Variants in TACC2 observed in about 807,000 individuals in gnomAD.
The protein encoded by TACC2 is transforming acidic coiled-coil containing protein 2.
Under a neutral mutation model 227.3 loss-of-function variants are expected in TACC2, and 137 were observed. The ratio of observed to expected loss-of-function variants is 0.60; its 90% confidence interval spans 0.52 to 0.69. The LOEUF (loss-of-function observed/expected upper bound fraction) is 0.69, where lower values mean the gene tolerates loss of function less well. Ranked by LOEUF, TACC2 falls within the 30% of genes least tolerant of loss-of-function variation. The probability of loss-of-function intolerance (pLI) is 0.00; values close to 1 mark genes in which losing one functional copy is unlikely to be tolerated. For missense variants in TACC2, 3,470 were observed against 3,694.4 expected, an observed-to-expected ratio of 0.94 and a Z score of 1.57; for synonymous variants, 1,523 against 1,487.5, an observed-to-expected ratio of 1.02 and a Z score of -0.55.
At chr10:122,117,191 C>CTTTTTTTTTTTTT (rs71482688) in intron 5 of TACC2, among the ~76,000 whole-genome samples, 4 of 129,818 alleles carry the variant, frequency 3.1e-5, no homozygotes, top group African/African-American at 2.9e-5. Context: ...TCTTAGAAAT[C>CTTTTTTTTTTTTT]TTTTTTTTTT....
chr10:122,083,653 C>A lies in TACC2; in HGVS notation c.1153C>A (p.Pro385Thr), dbSNP rs1252082508. Reference protein sequence around the residue: ...HPQTGMRGTKPNQVVCVAAGG... With the variant: ...HPQTGMRGTKTNQVVCVAAGG... ...ACAGACAGGGATGCGAGGAACCAAG[C>A]CCAATCAAGTTGTCTGTGTGGCAGC... is the stretch of plus-strand genomic sequence containing the variant. Residue 385 changes from proline (P) to threonine (T), a missense_variant, in exon 4 of 23, where the codon CCC becomes ACC. Around this residue, in one of 10 missense-constraint regions of TACC2, gnomAD observed 1,924 missense variants for 1,978.3 expected, o/e 0.97. Coordinates refer to ENST00000369005, the MANE Select transcript of TACC2 (RefSeq NM_206862.4). The A allele has an allele frequency of 6.2e-7, 1 of 1,611,256 alleles. No homozygotes were observed. Among genetic ancestry groups the A allele is most frequent in the East Asian group, 2.2e-5 (1 of 44,862 alleles).
chr10:122,211,601 T>C lies in TACC2; in HGVS notation c.7176T>C (p.Ser2392=). The change falls in exon 9 of 23, where the codon TCT becomes TCC. Residue 2392 remains serine, a synonymous_variant. Transcript: ENST00000369005. Reference sequence around the variant, plus strand: ...CCTCTAAGACCCCCAGCTCACCTTCTAAATCCCCAGCCTCCTTTGAGATCC... The same window carrying C: ...CCTCTAAGACCCCCAGCTCACCTTCCAAATCCCCAGCCTCCTTTGAGATCC... ...KTSSKTPSSP[S]KSPASFEIPA... is the part of the protein sequence containing the mutation. 1 of 1,613,928 alleles carries C rather than the reference T, an allele frequency of 6.2e-7. No homozygotes were observed. The highest frequency in any genetic ancestry group is 8.5e-7 in the Non-Finnish European group (1 of 1,179,946).
At chr10:122,095,977 C>T (rs375081560) in intron 5 of TACC2, among the ~76,000 whole-genome samples, 47 of 152,252 alleles carry the variant, frequency 3.1e-4, no homozygotes, top group Non-Finnish European at 1.9e-4. Context: ...CTTTGCATTA[C>T]GTCAGAGGCT....
intron 2 of TACC2, among the ~76,000 whole-genome samples, chr10:122,028,148 T>C (rs1958338751): frequency 7.2e-6 from 1 of 139,508 alleles, no homozygotes; most frequent in South Asian, 2.4e-4. Flanking sequence ...AGTGCAGTGG[T>C]GTGATATCTC....
intron 7 of TACC2, among the ~76,000 whole-genome samples, chr10:122,170,928 C>A (rs927488870): frequency 6.6e-6 from 1 of 151,938 alleles, no homozygotes; most frequent in Non-Finnish European, 1.5e-5. Context: ...CTGTCTTTAT[C>A]TCCTTCCACC....
At chr10:122,044,245 C>T (rs887925365) in intron 2 of TACC2, among the ~76,000 whole-genome samples, 2 of 152,234 alleles carry the variant, frequency 1.3e-5, no homozygotes, top group African/African-American at 4.8e-5. Flanking sequence ...CGCTTGTTGG[C>T]CTGACAGAGT....
rs372332749 is a variant in TACC2 at position 122,237,758 on chromosome 10, C to T, written c.8272-203C>T. 7.9e-5 allele frequency among the ~76,000 whole-genome samples: 12 copies of T among 152,354 alleles called. No individual in the cohort carries two copies. In the East Asian group the frequency reaches 2.3e-3, roughly 29 times the overall value. On this transcript the variant is annotated intron_variant, in intron 17 of 22. Coordinates refer to ENST00000369005, the MANE Select transcript of TACC2 (RefSeq NM_206862.4). ...ACAAAAAGCATGCCCCTTTCAGTTGCTCCCCAGTGGGCACTGTGAAAGTCT... is the reference window on the plus strand; with the variant it reads ...ACAAAAAGCATGCCCCTTTCAGTTGTTCCCCAGTGGGCACTGTGAAAGTCT...
intron 5 of TACC2, among the ~76,000 whole-genome samples, chr10:122,091,591 G>A (rs138999744): frequency 2.0e-5 from 3 of 152,214 alleles, no homozygotes; most frequent in Non-Finnish European, 2.9e-5. Context: ...GAAAAAATTC[G>A]GATTGGACTC....
chr10:122,024,326 A>AC (rs1957725864), intron 2 of TACC2, among the ~76,000 whole-genome samples: 1 of 152,184 alleles, frequency 6.6e-6, no homozygotes, highest in Non-Finnish European at 1.5e-5. Flanking sequence ...TGTTTGCACT[A>AC]CTACATTCCA....
At chr10:122,010,488 T>C (rs1460248472) in intron 1 of TACC2, among the ~76,000 whole-genome samples, 3 of 152,200 alleles carry the variant, frequency 2.0e-5, no homozygotes, top group African/African-American at 4.8e-5. Flanking sequence ...CTGCAAATCA[T>C]GTTTCCATTT....
intron 5 of TACC2, among the ~76,000 whole-genome samples, chr10:122,094,631 G>T (rs1243831425): frequency 6.6e-6 from 1 of 152,144 alleles, no homozygotes; most frequent in African/African-American, 2.4e-5. Context: ...ACAAAGGGCG[G>T]CTGCCTCCTT....
chr10:122,246,069 A>G (rs1028869951), intron 19 of TACC2, among the ~76,000 whole-genome samples: 2 of 152,080 alleles, frequency 1.3e-5, no homozygotes, highest in African/African-American at 4.8e-5. Flanking sequence ...TGGGAAGGAT[A>G]TTCGGCATCT....
At chr10:122,080,580 A>G (rs1032683023) in intron 3 of TACC2, among the ~76,000 whole-genome samples, 71 of 152,210 alleles carry the variant, frequency 4.7e-4, no homozygotes, top group African/African-American at 1.7e-3. Context: ...TTAGGGCCTC[A>G]CTACTATAAC....
chr10:122,032,994 A>AACAACAACT, intron 2 of TACC2: 1 of 672,434 alleles, frequency 1.5e-6, no homozygotes, highest in Non-Finnish European at 2.2e-6. Context: ...CAACAACAAC[A>AACAACAACT]ACAACAAAAA....
rs1051212892 is a variant in TACC2 at position 122,050,201 on chromosome 10, T to C, written c.34-237T>C. ...TTCTACTAAAGCATTCAGTTGGAAC[T>C]GCTTGTTTGACTTTGTTTCTTCCCC... On this transcript the variant is annotated intron_variant, in intron 2 of 22. Transcript: ENST00000369005. The surrounding 1 kb of genome is among the most constrained non-coding windows in gnomAD (Gnocchi z 4.6). 6.6e-6 allele frequency among the ~76,000 whole-genome samples: 1 copy of C among 152,176 alleles called. No homozygotes were observed. Among genetic ancestry groups the C allele is most frequent in the African/African-American group, 2.4e-5 (1 of 41,446 alleles).
intron 5 of TACC2, among the ~76,000 whole-genome samples, chr10:122,099,776 C>T (rs185855889): frequency 2.0e-4 from 30 of 152,288 alleles, no homozygotes; most frequent in Admixed American, 1.6e-3. Flanking sequence ...GGAGATAAAA[C>T]GACTTAATGA....
At chr10:122,188,311 G>A (rs1319297558) in intron 7 of TACC2, among the ~76,000 whole-genome samples, 2 of 151,920 alleles carry the variant, frequency 1.3e-5, no homozygotes, top group East Asian at 1.9e-4. Flanking sequence ...ATAGAGTCTC[G>A]CCCTATCATC....
chr10:122,169,173 G>A (rs756001171), intron 7 of TACC2, among the ~76,000 whole-genome samples: 4 of 152,194 alleles, frequency 2.6e-5, no homozygotes, highest in Non-Finnish European at 4.4e-5. Context: ...CTGGAGTGCA[G>A]GTGTGTGCTG....
At chr10:122,135,593 T>C (rs1438614172) in intron 6 of TACC2, among the ~76,000 whole-genome samples, 1 of 152,218 alleles carries the variant, frequency 6.6e-6, no homozygotes, top group African/African-American at 2.4e-5. Flanking sequence ...AAGAGATAGT[T>C]CTGTTAATAC....
Sources: allele counts gnomAD v4.1 joint callset (sites outside exome capture counted in the v4.1 genomes callset), GRCh38; gene constraint gnomAD v4.1.1; regional missense constraint gnomAD v4.1.1; non-coding constraint Gnocchi (gnomAD v3.1); transcripts MANE v1.5; gene names NCBI Gene and HGNC (gene_info 2026-07-23, HGNC 2026-07-21).